The following SPTBN4 variants were observed in gnomAD, a reference collection of about 807,000 sequenced individuals.
SPTBN4 encodes the protein spectrin beta, non-erythrocytic 4.
A neutral mutation model predicts 277.8 loss-of-function variants in SPTBN4; 96 were observed. The observed-to-expected ratio is 0.35, with a 90% CI of 0.29 to 0.41. The LOEUF is 0.41. SPTBN4 is among the 10% of genes least tolerant of loss of function. The pLI is 1.00. For synonymous variants in SPTBN4, 1,481 were observed against 1,580.3 expected, an observed-to-expected ratio of 0.94 and a Z score of 1.49; for missense variants, 3,006 against 3,595.7, an observed-to-expected ratio of 0.84 and a Z score of 4.19.
chr19:40,514,974 G>A (rs933531600), intron 14 of SPTBN4, among the ~76,000 whole-genome samples: 2 of 152,116 alleles, frequency 1.3e-5, no homozygotes, highest in South Asian at 2.1e-4. Context: ...GCGTGGTGGC[G>A]CATGCTTGTA....
rs1277458475 is a variant in SPTBN4 at position 40,515,852 on chromosome 19, G to A, written c.2903+404G>A. ...AGCCTGGGCAACATGGTGAAACCCC[G>A]TCTCTCTCTCTACGTGCGCGCACAC... On this transcript the variant is annotated intron_variant, in intron 15 of 35. Coordinates refer to ENST00000598249, the MANE Select transcript of SPTBN4 (RefSeq NM_020971.3). The surrounding 1 kb of genome is among the most constrained non-coding windows in gnomAD (Gnocchi z 4.1). Among the ~76,000 whole-genome samples, 3 of 145,718 alleles carry A rather than the reference G, an allele frequency of 2.1e-5. No individual in the cohort carries two copies. The highest frequency in any genetic ancestry group is 1.4e-4 in the Admixed American group (2 of 14,446).
In SPTBN4 at chr19:40,502,366, G is replaced by A. The variant is rs767379270; in HGVS notation, c.1086-24G>A. 2 of 1,609,560 alleles carry A rather than the reference G, an allele frequency of 1.2e-6. No homozygotes were observed. Among genetic ancestry groups the A allele is most frequent in the South Asian group, 2.2e-5 (2 of 90,858 alleles). ...TGGGCAGGGGTGGCATGACGGCAGG[G>A]CTCCTGAGCTCATGCCCCTTCAGGT... is the stretch of plus-strand genomic sequence containing the variant. On this transcript the variant is annotated intron_variant, in intron 9 of 35. Coordinates refer to ENST00000598249, the MANE Select transcript of SPTBN4 (RefSeq NM_020971.3). The surrounding 1 kb of genome is among the most constrained non-coding windows in gnomAD (Gnocchi z 4.9).
chr19:40,556,298 A>G lies in SPTBN4; in HGVS notation c.5289+10A>G. The G allele has an allele frequency of 6.2e-7, 1 of 1,608,052 alleles. No homozygotes were observed. Among genetic ancestry groups the G allele is most frequent in the East Asian group, 2.2e-5 (1 of 44,774 alleles). On this transcript the variant is annotated intron_variant, in intron 25 of 35. Transcript: ENST00000598249. ...CTTTGAGCATGTCTCGGTGAGCATC[A>G]TTAGTAATAAGTGATACCAGGAGCT... is the stretch of plus-strand genomic sequence containing the variant.
In SPTBN4 at chr19:40,560,299, T is replaced by A. The variant is rs747815611; in HGVS notation, c.5811T>A (p.His1937Gln). ...CAGCCTGTGAGGATGCCCGCCTGCA[T>A]GTCAGCTCCACAGCCGACGCCCTGC... ...LLSACEDARL[H>Q]VSSTADALRF... is the part of the protein sequence containing the mutation. The change falls in exon 27 of 36, where the codon CAT becomes CAA. Residue 1937 changes from histidine (H) to glutamine (Q), a missense_variant. By Grantham distance (24) the His-to-Gln change is conservative. Around this residue, in one of 5 missense-constraint regions of SPTBN4, gnomAD observed 425 missense variants for 594.7 expected, o/e 0.71. Transcript: ENST00000598249. This position sits in a 1 kb window ranked among gnomAD's most constrained non-coding sequence, Gnocchi z 5.2. The A allele has an allele frequency of 6.2e-7, 1 of 1,614,112 alleles. No individual in the cohort carries two copies. The highest frequency in any genetic ancestry group is 1.7e-5 in the Admixed American group (1 of 60,030).
At chr19:40,488,066 G>C (rs944522923) in intron 3 of SPTBN4, among the ~76,000 whole-genome samples, 16 of 151,938 alleles carry the variant, frequency 1.1e-4, no homozygotes, top group African/African-American at 3.1e-4. Context: ...CGCGTGGCTG[G>C]AACCGAAGCT....
chr19:40,503,106 G>C (rs1056793023), intron 11 of SPTBN4, among the ~76,000 whole-genome samples, 173 bp downstream of exon 11: 5 of 152,126 alleles, frequency 3.3e-5, no homozygotes, highest in African/African-American at 9.7e-5. Context: ...ATTGTTGGGT[G>C]AGGGGAATGG....
intron 2 of SPTBN4, among the ~76,000 whole-genome samples, chr19:40,485,471 C>T (rs2080060817): frequency 6.6e-6 from 1 of 152,106 alleles, no homozygotes; most frequent in African/African-American, 2.4e-5. Flanking sequence ...GAAATAATTA[C>T]ACATTCATAG....
rs2080402787 is a variant in SPTBN4, at chr19:40,512,602, T to C, written c.1817-4T>C. The C allele has an allele frequency of 6.5e-7, 1 of 1,527,708 alleles. No individual in the cohort carries two copies. Among genetic ancestry groups the C allele is most frequent in the South Asian group, 1.2e-5 (1 of 83,912 alleles). The allele number at this position is 1,527,708 out of a possible 1,614,324, so 94.6% of individuals were successfully genotyped here. On this transcript the variant is annotated splice_region_variant and splice_polypyrimidine_tract_variant and intron_variant, in intron 13 of 35. Coordinates refer to ENST00000598249, the MANE Select transcript of SPTBN4 (RefSeq NM_020971.3). ...TCCTGGATGCTCCCCTTCTCCTGGC[T>C]CAGGCTACCAGCCCTGCGACCCGCA...
chr19:40,504,233 G>C, intron 12 of SPTBN4, 101 bp downstream of exon 12: 24 of 1,232,688 alleles, frequency 1.9e-5, no homozygotes, highest in Non-Finnish European at 2.5e-5. Flanking sequence ...AGAGGGAAGG[G>C]CAGAGATAGA....
At position 40,541,038 on chromosome 19, in the gene SPTBN4, C is replaced by T. The variant is rs116413641; in HGVS notation, c.4359+6695C>T. Among the ~76,000 whole-genome samples, 522 of 152,210 alleles carry T rather than the reference C, an allele frequency of 3.4e-3. 8 individuals are homozygous for T. The highest frequency in any genetic ancestry group is 0.012 in the African/African-American group (489 of 41,534). ...GTTTTGTCAGACATTTTAGATCTTT[C>T]TCAGTCCGATGGCTGGGAAGTGGTA... is the stretch of plus-strand genomic sequence containing the variant. On this transcript the variant is annotated intron_variant, in intron 20 of 35. Coordinates refer to ENST00000598249, the MANE Select transcript of SPTBN4 (RefSeq NM_020971.3).
chr19:40,561,847 A>G (rs564264303), intron 27 of SPTBN4, among the ~76,000 whole-genome samples: 155 of 152,202 alleles, frequency 1.0e-3, no homozygotes, highest in African/African-American at 3.6e-3. Context: ...GAAAAGAAAA[A>G]AAAATGAAAT....
At chr19:40,504,584 G>C (rs2080302963) in intron 12 of SPTBN4, among the ~76,000 whole-genome samples, 2 of 151,932 alleles carry the variant, frequency 1.3e-5, no homozygotes, top group South Asian at 4.1e-4. Context: ...CAGGAGAATG[G>C]CGTGAACCCG....
intron 33 of SPTBN4, among the ~76,000 whole-genome samples, chr19:40,571,325 C>T (rs886215704): frequency 6.6e-6 from 1 of 152,166 alleles, no homozygotes; most frequent in African/African-American, 2.4e-5. Flanking sequence ...GGGGAGTCAT[C>T]TCTTACAGGT....
At position 40,493,062 on chromosome 19, in the gene SPTBN4, C is replaced by T; in HGVS notation, c.587+8C>T. 8 of 1,613,712 alleles carry T rather than the reference C, an allele frequency of 5.0e-6. No individual in the cohort carries two copies. The highest frequency in any genetic ancestry group is 6.8e-6 in the Non-Finnish European group (8 of 1,179,692). On this transcript the variant is annotated splice_region_variant and intron_variant, in intron 5 of 35. Transcript: ENST00000598249. ...TCAGATGAAGACAGCTGGGTAAGCACCCCCACCACCTTCCTTAGGAGGTTA... is the reference window on the plus strand; with the variant it reads ...TCAGATGAAGACAGCTGGGTAAGCATCCCCACCACCTTCCTTAGGAGGTTA...
At chr19:40,551,948 C>G (rs1162883900) in intron 22 of SPTBN4, among the ~76,000 whole-genome samples, 2 of 148,010 alleles carry the variant, frequency 1.4e-5, no homozygotes, top group Non-Finnish European at 3.0e-5. Context: ...GAGCCAAGAT[C>G]ACACCACTGT....
intron 3 of SPTBN4, among the ~76,000 whole-genome samples, chr19:40,489,618 C>T (rs1446599633): frequency 6.6e-6 from 1 of 152,136 alleles, no homozygotes; most frequent in Non-Finnish European, 1.5e-5. Context: ...GAACTCCTCG[C>T]CTCAAGTGAA....
At chr19:40,498,788 A>G (rs1599733780) in intron 7 of SPTBN4, among the ~76,000 whole-genome samples, 2 of 151,032 alleles carry the variant, frequency 1.3e-5, no homozygotes, top group South Asian at 2.1e-4. Flanking sequence ...AGCAACCTCC[A>G]CCTCACAGGC....
intron 27 of SPTBN4, among the ~76,000 whole-genome samples, chr19:40,563,665 G>C (rs1033748627): frequency 1.4e-5 from 2 of 139,540 alleles, no homozygotes; most frequent in Admixed American, 7.9e-5. Flanking sequence ...GCCAAGCGGA[G>C]ATCGCACCAC....
rs117008387 is a variant in SPTBN4, at chr19:40,572,205, A to T, written c.7493+13A>T. ...TCTTCAAGCTCCAGTGAGCCCCCCA[A>T]TGGGCAGGAGGGAGGGATCCAAGGC... is the stretch of plus-strand genomic sequence containing the variant. On this transcript the variant is annotated intron_variant, in intron 34 of 35. Transcript: ENST00000598249. The T allele has an allele frequency of 1.3e-6, 2 of 1,594,290 alleles. No homozygotes were observed. The highest frequency in any genetic ancestry group is 1.7e-6 in the Non-Finnish European group (2 of 1,167,186).
Sources: allele counts gnomAD v4.1 joint callset (sites outside exome capture counted in the v4.1 genomes callset), GRCh38; gene constraint gnomAD v4.1.1; regional missense constraint gnomAD v4.1.1; non-coding constraint Gnocchi (gnomAD v3.1); transcripts MANE v1.5; gene names NCBI Gene and HGNC (gene_info 2026-07-23, HGNC 2026-07-21).